The following IGSF21 variants were observed in gnomAD, a reference collection of about 807,000 sequenced individuals.
IGSF21 encodes the protein immunoglobin superfamily member 21.
A neutral mutation model predicts 46.8 loss-of-function variants in IGSF21; 28 were observed. The observed-to-expected ratio is 0.60, with a 90% CI of 0.44 to 0.82. The LOEUF is 0.82. Ranked by LOEUF, IGSF21 falls within the 40% of genes least tolerant of loss-of-function variation. The probability of loss-of-function intolerance (pLI) is 0.00; values close to 1 mark genes in which losing one functional copy is unlikely to be tolerated. For missense variants in IGSF21, 624 were observed against 665.5 expected, an observed-to-expected ratio of 0.94 and a Z score of 0.69; for synonymous variants, 284 against 273.6, an observed-to-expected ratio of 1.04 and a Z score of -0.38.
intron 1 of IGSF21, among the ~76,000 whole-genome samples, chr1:18,171,619 A>G (rs60915721): frequency 0.07 from 10,655 of 152,266 alleles, 425 homozygotes; most frequent in Middle Eastern, 0.17. Flanking sequence ...ATCATGCTAG[A>G]GTTGTCATGC....
At chr1:18,256,048 C>T (rs918520755) in intron 2 of IGSF21, among the ~76,000 whole-genome samples, 3 of 152,206 alleles carry the variant, frequency 2.0e-5, no homozygotes, top group Non-Finnish European at 4.4e-5. Context: ...AATCTGGCCT[C>T]TGCCCACCCT....
At chr1:18,198,371 C>T (rs1477444451) in intron 1 of IGSF21, among the ~76,000 whole-genome samples, 1 of 152,154 alleles carries the variant, frequency 6.6e-6, no homozygotes, top group Middle Eastern at 3.2e-3. Flanking sequence ...CCGGGACCCA[C>T]ATGGGCCCGT....
chr1:18,292,855 C>T (rs2085280055), intron 3 of IGSF21, among the ~76,000 whole-genome samples: 1 of 152,194 alleles, frequency 6.6e-6, no homozygotes, highest in Non-Finnish European at 1.5e-5. Context: ...GAGGGAATCT[C>T]ACTGCATTCA....
chr1:18,266,734 T>C (rs949404903), intron 2 of IGSF21, among the ~76,000 whole-genome samples: 1 of 152,222 alleles, frequency 6.6e-6, no homozygotes, highest in African/African-American at 2.4e-5. Flanking sequence ...GATGCTGCCT[T>C]TTTAGTGAGA....
chr1:18,345,912 C>G (rs958921533), intron 4 of IGSF21, among the ~76,000 whole-genome samples: 1 of 152,230 alleles, frequency 6.6e-6, no homozygotes. Flanking sequence ...TCCCCCACCT[C>G]TCACTGGAAT....
intron 2 of IGSF21, among the ~76,000 whole-genome samples, chr1:18,273,432 T>TTCTCTC (rs1359680715): frequency 7.3e-6 from 1 of 136,318 alleles, no homozygotes; most frequent in African/African-American, 2.9e-5. Context: ...TTCCTTTCCT[T>TTCTCTC]TCTTTCTTTC....
chr1:18,217,133 C>T lies in IGSF21; in HGVS notation c.71-10765C>T, dbSNP rs532142907. On this transcript the variant is annotated intron_variant, in intron 1 of 9. Coordinates refer to ENST00000251296, the MANE Select transcript of IGSF21 (RefSeq NM_032880.5). ...AGCTGCTGCCAACCACCTGACCACC[C>T]GTCTGCCCCAGGTCAAGTTGTGGTG... is the stretch of plus-strand genomic sequence containing the variant. Among the ~76,000 whole-genome samples the T allele has an allele frequency of 3.3e-5, 5 of 152,240 alleles. No homozygotes were observed. The East Asian group carries it at 5.8e-4, about 18-fold the overall frequency.
intron 3 of IGSF21, among the ~76,000 whole-genome samples, chr1:18,325,700 G>A (rs928765525): frequency 6.6e-6 from 1 of 152,250 alleles, no homozygotes; most frequent in African/African-American, 2.4e-5. Context: ...GGGGTCTCCT[G>A]TAAGGGACCC....
At chr1:18,372,632 A>ATGGATGGATGGATG (rs1557666105) in intron 6 of IGSF21, among the ~76,000 whole-genome samples, 14 of 135,324 alleles carry the variant, frequency 1.0e-4, no homozygotes, top group South Asian at 2.5e-4. Context: ...ATGGATGGAT[A>ATGGATGGATGGATG]GATGGATGGA....
At chr1:18,336,031 G>A (rs540117806) in intron 4 of IGSF21, among the ~76,000 whole-genome samples, 126 of 152,294 alleles carry the variant, frequency 8.3e-4, no homozygotes, top group Non-Finnish European at 1.6e-3. Context: ...ACCTAGGAGG[G>A]ACAGAACTCA....
At chr1:18,251,504 A>G (rs766605425) in intron 2 of IGSF21, among the ~76,000 whole-genome samples, 4 of 152,132 alleles carry the variant, frequency 2.6e-5, no homozygotes, top group Admixed American at 6.5e-5. Context: ...CCATCCTCTC[A>G]ATATGCACAG....
intron 2 of IGSF21, among the ~76,000 whole-genome samples, chr1:18,262,107 C>T (rs394415): frequency 0.15 from 22,347 of 152,174 alleles, 1,727 homozygotes; most frequent in Middle Eastern, 0.22. Flanking sequence ...AATTTGCATA[C>T]AGCAAACTCC....
intron 1 of IGSF21, among the ~76,000 whole-genome samples, chr1:18,171,374 G>A (rs142893759): frequency 6.6e-6 from 1 of 152,268 alleles, no homozygotes; most frequent in Non-Finnish European, 1.5e-5. Context: ...AACCTGGAGG[G>A]GAAATCGCTC....
chr1:18,243,048 C>CAGG (rs2084748889), intron 2 of IGSF21, among the ~76,000 whole-genome samples: 1 of 152,238 alleles, frequency 6.6e-6, no homozygotes, highest in Middle Eastern at 3.4e-3. Flanking sequence ...AGAGGGGAGG[C>CAGG]AGGAGGAGGA....
chr1:18,214,077 T>C (rs2124493485), intron 1 of IGSF21, among the ~76,000 whole-genome samples: 1 of 152,304 alleles, frequency 6.6e-6, no homozygotes, highest in African/African-American at 2.4e-5. Context: ...AAGCATATCA[T>C]TATCAATAAT....
intron 2 of IGSF21, among the ~76,000 whole-genome samples, chr1:18,284,357 G>A (rs1569722664): frequency 6.6e-6 from 1 of 152,166 alleles, no homozygotes; most frequent in African/African-American, 2.4e-5. Flanking sequence ...ACTACGTGCC[G>A]GTTCCCATGC....
intron 4 of IGSF21, among the ~76,000 whole-genome samples, chr1:18,351,896 GC>G (rs1225842960): frequency 6.6e-6 from 1 of 152,188 alleles, no homozygotes; most frequent in African/African-American, 2.4e-5. Context: ...GCAGTTGCAG[GC>G]AGCGGCCACC....
chr1:18,373,919 G>A (rs886073420), intron 6 of IGSF21, among the ~76,000 whole-genome samples: 1 of 152,188 alleles, frequency 6.6e-6, no homozygotes, highest in Admixed American at 6.5e-5. Flanking sequence ...AGAAAAGTTG[G>A]TTCCTTCTTC....
intron 2 of IGSF21, among the ~76,000 whole-genome samples, chr1:18,276,309 C>T (rs1414281735): frequency 1.3e-5 from 2 of 152,156 alleles, no homozygotes; most frequent in African/African-American, 4.8e-5. Flanking sequence ...GGCAGCTTTA[C>T]CCACCTGCAG....
Sources: gnomAD v4.1 joint callset for allele counts (sites outside exome capture counted in the v4.1 genomes callset) on GRCh38, gnomAD v4.1.1 for gene constraint, MANE v1.5 for transcripts, NCBI Gene and HGNC (gene_info 2026-07-23, HGNC 2026-07-21) for gene names.